The following CNTNAP2 variants were observed in gnomAD, a reference collection of about 807,000 sequenced individuals.
The protein encoded by CNTNAP2 is contactin-associated protein-like 2.
A neutral mutation model predicts 155.2 loss-of-function variants in CNTNAP2; 98 were observed. The observed-to-expected ratio is 0.63, with a 90% CI of 0.54 to 0.75. The LOEUF (loss-of-function observed/expected upper bound fraction) is 0.75. Ranked by LOEUF, CNTNAP2 falls within the 30% of genes least tolerant of loss-of-function variation. CNTNAP2 has a pLI of 0.00. For synonymous variants in CNTNAP2, 651 were observed against 631.2 expected (o/e 1.03, Z -0.47); for missense variants, 1,727 against 1,688.1 (o/e 1.02, Z -0.40).
intron 8 of CNTNAP2, among the ~76,000 whole-genome samples, chr7:147,165,605 T>G (rs1005033402): frequency 4.6e-5 from 7 of 152,190 alleles, no homozygotes; most frequent in Non-Finnish European, 1.0e-4. Flanking sequence ...CTTATAGAAT[T>G]TTTATAGTTG....
chr7:146,235,102 A>G (rs1384476879), intron 1 of CNTNAP2, among the ~76,000 whole-genome samples: 1 of 152,214 alleles, frequency 6.6e-6, no homozygotes, highest in Non-Finnish European at 1.5e-5. Context: ...TTTTACTGAG[A>G]CACAATGAAA....
At chr7:146,638,476 C>CTTTCTTTTTTTT (rs1383622498) in intron 1 of CNTNAP2, among the ~76,000 whole-genome samples, 9 of 64,364 alleles carry the variant, frequency 1.4e-4, no homozygotes, top group Non-Finnish European at 1.4e-4. Flanking sequence ...TCAGGTGTTT[C>CTTTCTTTTTTTT]TTTTTTTTTT....
intron 1 of CNTNAP2, among the ~76,000 whole-genome samples, chr7:146,402,094 AG>A (rs1795722856): frequency 2.0e-5 from 3 of 152,212 alleles, no homozygotes; most frequent in Admixed American, 6.5e-5. Flanking sequence ...GTCTTCCATA[AG>A]TATGTTCATA....
chr7:148,181,903 G>A (rs990930615), intron 18 of CNTNAP2, among the ~76,000 whole-genome samples: 4 of 151,504 alleles, frequency 2.6e-5, no homozygotes, highest in Admixed American at 1.3e-4. Flanking sequence ...GACTACAGGC[G>A]CCTGCCACCA....
At chr7:146,422,574 G>A (rs6949135) in intron 1 of CNTNAP2, among the ~76,000 whole-genome samples, 149 of 151,964 alleles carry the variant, frequency 9.8e-4, no homozygotes, top group African/African-American at 3.3e-3. Flanking sequence ...ATTTGTAAGA[G>A]TAAATTGCCT....
intron 15 of CNTNAP2, among the ~76,000 whole-genome samples, chr7:148,099,109 G>A (rs550556481): frequency 1.1e-3 from 161 of 152,318 alleles, no homozygotes; most frequent in Middle Eastern, 6.8e-3. Flanking sequence ...TATTGTGGAA[G>A]CGACGAAACC....
At chr7:146,278,673 T>A (rs1461860551) in intron 1 of CNTNAP2, among the ~76,000 whole-genome samples, 1 of 152,166 alleles carries the variant, frequency 6.6e-6, no homozygotes, top group Non-Finnish European at 1.5e-5. Context: ...GAAGGTATCA[T>A]TTTGCCTGAC....
At chr7:146,706,313 A>G (rs1390091372) in intron 1 of CNTNAP2, among the ~76,000 whole-genome samples, 1 of 152,184 alleles carries the variant, frequency 6.6e-6, no homozygotes, top group African/African-American at 2.4e-5. Flanking sequence ...CAGCAACTTT[A>G]TAGCCCAATG....
chr7:146,807,122 C>G (rs1388396192), intron 2 of CNTNAP2, among the ~76,000 whole-genome samples: 1 of 152,128 alleles, frequency 6.6e-6, no homozygotes, highest in Non-Finnish European at 1.5e-5. Context: ...ACAAATGGTA[C>G]ACATTTATTA....
In CNTNAP2 at chr7:146,475,009, G is replaced by GCACA. The variant is rs1245609319; in HGVS notation, c.98-299261_98-299260insACAC. Among the ~76,000 whole-genome samples the GCACA allele has an allele frequency of 1.0e-3, 130 of 129,598 alleles. 1 individual carries two copies. The Middle Eastern group carries it at 0.012, about 12-fold the overall frequency. The allele number at this position is 129,598 out of a possible 152,430, so 85.0% of individuals were successfully genotyped here. The stretch of plus-strand genomic sequence containing the variant: ...TGAGCACGAGCGCGCACGCGCGCGC[G>GCACA]CGCGCACACACACACACACACACAC... On this transcript the variant is annotated intron_variant, in intron 1 of 23. Transcript: ENST00000361727.
At chr7:148,412,308 C>T (rs535406151) in intron 23 of CNTNAP2, among the ~76,000 whole-genome samples, 16 of 152,326 alleles carry the variant, frequency 1.1e-4, no homozygotes, top group African/African-American at 3.4e-4. Context: ...GGCGCGGTGG[C>T]GCACGCCTGT....
chr7:147,501,077 A>G (rs891650291), intron 11 of CNTNAP2, among the ~76,000 whole-genome samples: 1 of 152,148 alleles, frequency 6.6e-6, no homozygotes, highest in African/African-American at 2.4e-5. Flanking sequence ...ATGGTTTGAT[A>G]TATCTAAATT....
At position 147,108,318 on chromosome 7, in the gene CNTNAP2, A is replaced by T; in HGVS notation, c.722A>T (p.Lys241Ile). The T allele has an allele frequency of 6.2e-7, 1 of 1,613,670 alleles. No individual in the cohort carries two copies. Among genetic ancestry groups the T allele is most frequent in the South Asian group, 1.1e-5 (1 of 91,070 alleles). ...QQGDYITLELKKAKLVLSLNL... is the reference protein window; with the variant it reads ...QQGDYITLELIKAKLVLSLNL... ...GGAGATTACATTACCTTGGAACTGA[A>T]AAAAGCCAAGCTGGTCCTCAGTTTA... The change falls in exon 5 of 24, where the codon AAA becomes ATA. Residue 241 changes from lysine (K) to isoleucine (I), a missense_variant. Lys to Ile is a moderately radical substitution (Grantham distance 102, BLOSUM62 -3). Transcript: ENST00000361727.
intron 13 of CNTNAP2, among the ~76,000 whole-genome samples, chr7:147,868,140 T>C (rs886574184): frequency 3.3e-5 from 5 of 152,132 alleles, no homozygotes; most frequent in Non-Finnish European, 7.3e-5. Flanking sequence ...TTGGTGTGGA[T>C]ATCCTTTTTG....
At chr7:148,293,546 TTAAAG>T (rs1797230294) in intron 21 of CNTNAP2, among the ~76,000 whole-genome samples, 1 of 152,210 alleles carries the variant, frequency 6.6e-6, no homozygotes, top group Non-Finnish European at 1.5e-5. Context: ...TCCCCCAAAA[TTAAAG>T]TATAGTGATT....
intron 1 of CNTNAP2, among the ~76,000 whole-genome samples, chr7:146,196,414 C>G (rs994952470): frequency 7.9e-5 from 12 of 152,242 alleles, no homozygotes; most frequent in African/African-American, 2.9e-4. Context: ...AAGAAATGAG[C>G]ACCAGCCAAG....
intron 1 of CNTNAP2, among the ~76,000 whole-genome samples, chr7:146,759,231 C>A (rs1017473584): frequency 6.6e-6 from 1 of 151,910 alleles, no homozygotes; most frequent in Non-Finnish European, 1.5e-5. Flanking sequence ...TTAGATTACC[C>A]CCAGATGCCC....
chr7:147,387,075 A>C (rs1162527432), intron 9 of CNTNAP2, among the ~76,000 whole-genome samples: 1 of 152,138 alleles, frequency 6.6e-6, no homozygotes, highest in Non-Finnish European at 1.5e-5. Flanking sequence ...TCACGGGAAT[A>C]GCACAGGAAA....
At chr7:146,428,321 G>A (rs1226321165) in intron 1 of CNTNAP2, among the ~76,000 whole-genome samples, 2 of 152,064 alleles carry the variant, frequency 1.3e-5, no homozygotes, top group African/African-American at 2.4e-5. Flanking sequence ...GAAACACCAC[G>A]TTGTCTTCCA....
Sources: allele counts gnomAD v4.1 joint callset (sites outside exome capture counted in the v4.1 genomes callset), GRCh38; gene constraint gnomAD v4.1.1; transcripts MANE v1.5; gene names NCBI Gene and HGNC (gene_info 2026-07-23, HGNC 2026-07-21).